AKAP19: variants seen among roughly 807,000 people sequenced by gnomAD.
AKAP19 encodes the protein A-kinase anchoring protein 19.
At chr2:190,105,669 A>G in the AKAP19 span, among the ~76,000 whole-genome samples, 353 of 152,268 alleles carry the variant, frequency 2.3e-3, no homozygotes, top group African/African-American at 8.3e-3. Context: ...ATTTTTCTTT[A>G]GCAGCAGAGT....
chr2:190,047,498 C>A, the AKAP19 span, among the ~76,000 whole-genome samples: 1 of 152,188 alleles, frequency 6.6e-6, no homozygotes, highest in Non-Finnish European at 1.5e-5. Context: ...CTATTTGTCA[C>A]ATTTTATGAG....
At chr2:190,020,013 C>G in the AKAP19 span, among the ~76,000 whole-genome samples, 1 of 152,138 alleles carries the variant, frequency 6.6e-6, no homozygotes, top group East Asian at 1.9e-4. Context: ...GCTTACGCCA[C>G]TCCCCGAACA....
chr2:190,178,867 C>A, the AKAP19 span, among the ~76,000 whole-genome samples: 1 of 152,172 alleles, frequency 6.6e-6, no homozygotes, highest in Non-Finnish European at 1.5e-5. This position sits in a 1 kb window ranked among gnomAD's most constrained non-coding sequence, Gnocchi z 6.3. Flanking sequence ...CTGCCTAGAT[C>A]ACATCAAGAA....
the AKAP19 span, among the ~76,000 whole-genome samples, chr2:190,132,728 TG>T: frequency 4.6e-5 from 7 of 152,128 alleles, no homozygotes; most frequent in East Asian, 5.8e-4. Flanking sequence ...CTTTGGGGGA[TG>T]TTTTTTTTGG....
the AKAP19 span, among the ~76,000 whole-genome samples, chr2:190,078,118 A>G: frequency 6.6e-6 from 1 of 152,084 alleles, no homozygotes; most frequent in Non-Finnish European, 1.5e-5. Context: ...CCTTTGCCCC[A>G]CAATACCTAG....
the AKAP19 span, among the ~76,000 whole-genome samples, chr2:190,037,956 G>A: frequency 6.6e-6 from 1 of 152,174 alleles, no homozygotes; most frequent in African/African-American, 2.4e-5. Context: ...TATGAAGTAT[G>A]TAAAGTGTCC....
chr2:189,901,035 C>A, the AKAP19 span, among the ~76,000 whole-genome samples: 5 of 152,122 alleles, frequency 3.3e-5, no homozygotes, highest in Non-Finnish European at 5.9e-5. Flanking sequence ...TGTCCTGGAC[C>A]AGAGGAAAGG....
At chr2:190,082,859 A>G in the AKAP19 span, among the ~76,000 whole-genome samples, 1 of 152,178 alleles carries the variant, frequency 6.6e-6, no homozygotes, top group African/African-American at 2.4e-5. Flanking sequence ...GCTACCATTT[A>G]TTGTGTTTCT....
At chr2:190,050,903 C>CG in the AKAP19 span, among the ~76,000 whole-genome samples, 1 of 152,008 alleles carries the variant, frequency 6.6e-6, no homozygotes, top group Non-Finnish European at 1.5e-5. Flanking sequence ...CATTTGAGAA[C>CG]GGGGGGATAT....
chr2:190,192,156 TG>T, the AKAP19 span, among the ~76,000 whole-genome samples: 15 of 152,192 alleles, frequency 9.9e-5, 1 homozygote, highest in East Asian at 1.4e-3. Flanking sequence ...TAGATTTTGG[TG>T]GGGGGAGAGT....
the AKAP19 span, among the ~76,000 whole-genome samples, chr2:190,161,164 A>G: frequency 6.6e-6 from 1 of 152,266 alleles, no homozygotes; most frequent in South Asian, 2.1e-4. Flanking sequence ...GCTTCCATGA[A>G]TTGCAGTAAG....
At chr2:189,942,884 T>G in the AKAP19 span, among the ~76,000 whole-genome samples, 1 of 152,226 alleles carries the variant, frequency 6.6e-6, no homozygotes, top group Non-Finnish European at 1.5e-5. Flanking sequence ...AGATGTGGTC[T>G]TACTGCTTCT....
At chr2:189,981,273 C>CTTTT in the AKAP19 span, among the ~76,000 whole-genome samples, 1 of 129,002 alleles carries the variant, frequency 7.8e-6, no homozygotes, top group Non-Finnish European at 1.7e-5. Context: ...CCTTCTTTGT[C>CTTTT]TTTTTTTTTT....
the AKAP19 span, among the ~76,000 whole-genome samples, chr2:190,038,300 G>T: frequency 1.3e-5 from 2 of 152,150 alleles, no homozygotes; most frequent in South Asian, 4.1e-4. Flanking sequence ...CAGTCCAGCA[G>T]CCTGTTCAAC....
At chr2:190,032,754 G>A in the AKAP19 span, among the ~76,000 whole-genome samples, 1 of 151,354 alleles carries the variant, frequency 6.6e-6, no homozygotes, top group African/African-American at 2.4e-5. Flanking sequence ...TGTTTTGTCT[G>A]TCTTTTGAAT....
At chr2:189,881,892 T>A in the AKAP19 span, among the ~76,000 whole-genome samples, 94 of 152,348 alleles carry the variant, frequency 6.2e-4, 1 homozygote, top group African/African-American at 2.2e-3. Context: ...AGACAAATCA[T>A]GGTAGAACTG....
the AKAP19 span, among the ~76,000 whole-genome samples, chr2:190,147,488 T>G: frequency 6.6e-6 from 1 of 152,224 alleles, no homozygotes; most frequent in Admixed American, 6.5e-5. Flanking sequence ...CGGGCTCTTT[T>G]TTGGTTCCAT....
chr2:190,023,453 A>G, the AKAP19 span, among the ~76,000 whole-genome samples: 1 of 152,094 alleles, frequency 6.6e-6, no homozygotes, highest in Non-Finnish European at 1.5e-5. Context: ...AAATTTACAT[A>G]TTTTAAAATA....
chr2:190,062,309 G>A, the AKAP19 span: 1 of 1,613,270 alleles, frequency 6.2e-7, no homozygotes, highest in African/African-American at 1.3e-5. Flanking sequence ...CATCCCTCTG[G>A]ACATCATACT....
Sources: gnomAD v4.1 joint callset for allele counts (sites outside exome capture counted in the v4.1 genomes callset) on GRCh38, gnomAD v4.1.1 for gene constraint, Gnocchi (gnomAD v3.1) non-coding constraint, MANE v1.5 for transcripts, NCBI Gene and HGNC (gene_info 2026-07-23, HGNC 2026-07-21) for gene names.